DOCK3: variants seen among roughly 807,000 people sequenced by gnomAD.
DOCK3 encodes the protein dedicator of cytokinesis protein 3.
Under a neutral mutation model 265.6 loss-of-function variants are expected in DOCK3, and 60 were observed. The ratio of observed to expected loss-of-function variants is 0.23; its 90% confidence interval spans 0.18 to 0.28. The LOEUF (loss-of-function observed/expected upper bound fraction) is 0.28, where lower values mean the gene tolerates loss of function less well. Ranked by LOEUF, DOCK3 falls within the 10% of genes least tolerant of loss-of-function variation. DOCK3 has a pLI of 1.00. For synonymous variants in DOCK3, 881 were observed against 938.0 expected (o/e 0.94, Z 1.11); for missense variants, 1,981 against 2,594.3 (o/e 0.76, Z 5.14).
chr3:50,876,717 G>A (rs533263098), intron 3 of DOCK3: 1 of 153,110 alleles, frequency 6.5e-6, no homozygotes, highest in South Asian at 1.9e-4. Context: ...TAAAAATTTG[G>A]CTGACAATTT....
chr3:50,860,206 T>A (rs2107494436), intron 3 of DOCK3, among the ~76,000 whole-genome samples: 1 of 152,240 alleles, frequency 6.6e-6, no homozygotes, highest in South Asian at 2.1e-4. Context: ...TCTTTTTGGG[T>A]TGACTGCAGC....
intron 9 of DOCK3, among the ~76,000 whole-genome samples, chr3:51,091,547 G>T (rs2082636115): frequency 6.6e-6 from 1 of 152,034 alleles, no homozygotes; most frequent in Non-Finnish European, 1.5e-5. Context: ...GCTGGGCGTG[G>T]TGGCGGGCTC....
intron 1 of DOCK3, among the ~76,000 whole-genome samples, chr3:50,695,238 C>G (rs556506547): frequency 6.3e-4 from 96 of 152,326 alleles, no homozygotes; most frequent in Non-Finnish European, 7.5e-4. Context: ...GCCTCCAGGG[C>G]TTAATACTTA....
At chr3:51,228,470 A>G (rs1015986050) in intron 17 of DOCK3, among the ~76,000 whole-genome samples, 191 bp from the exon 18 acceptor site, 3 of 152,114 alleles carry the variant, frequency 2.0e-5, no homozygotes, top group African/African-American at 4.8e-5. Context: ...ATGCCCCACC[A>G]TATTCTGTTT....
At chr3:50,905,756 C>T (rs1004870824) in intron 4 of DOCK3, among the ~76,000 whole-genome samples, 3 of 152,148 alleles carry the variant, frequency 2.0e-5, no homozygotes, top group African/African-American at 7.2e-5. Context: ...CCCTTTATTT[C>T]TTTCTCCTGC....
chr3:50,880,482 G>T, intron 3 of DOCK3: 1 of 168,364 alleles, frequency 5.9e-6, no homozygotes, highest in Non-Finnish European at 1.3e-5. Context: ...ACTACCATCA[G>T]AAAACACTGT....
intron 6 of DOCK3, among the ~76,000 whole-genome samples, chr3:51,072,587 T>G (rs1197045292): frequency 6.6e-6 from 1 of 151,990 alleles, no homozygotes; most frequent in Non-Finnish European, 1.5e-5. Context: ...TTTTGTGTTT[T>G]TAGTAGAGAT....
intron 5 of DOCK3, among the ~76,000 whole-genome samples, chr3:51,028,852 A>G (rs2079924252): frequency 6.6e-6 from 1 of 152,066 alleles, no homozygotes; most frequent in Non-Finnish European, 1.5e-5. Flanking sequence ...TTCAACTTCC[A>G]TGAGAATCTC....
At chr3:50,951,708 C>A (rs772639403) in intron 5 of DOCK3, among the ~76,000 whole-genome samples, 2 of 151,846 alleles carry the variant, frequency 1.3e-5, no homozygotes, top group Non-Finnish European at 2.9e-5. Flanking sequence ...TTAATTTTAG[C>A]AATGGTGTTT....
chr3:51,288,545 A>G (rs2081546474), intron 27 of DOCK3, among the ~76,000 whole-genome samples: 1 of 152,146 alleles, frequency 6.6e-6, no homozygotes, highest in African/African-American at 2.4e-5. Flanking sequence ...AACCTCCATG[A>G]TGCTCAATTT....
At chr3:50,891,416 C>T (rs1423890765) in intron 4 of DOCK3, among the ~76,000 whole-genome samples, 4 of 152,006 alleles carry the variant, frequency 2.6e-5, no homozygotes, top group African/African-American at 9.7e-5. Flanking sequence ...TCTCCTTTTA[C>T]AAAACATGTA....
intron 40 of DOCK3, among the ~76,000 whole-genome samples, chr3:51,351,088 AT>A (rs2085943767): frequency 6.6e-6 from 1 of 152,170 alleles, no homozygotes; most frequent in Non-Finnish European, 1.5e-5. Flanking sequence ...TGATTTTCTT[AT>A]TTATTCAGCA....
At chr3:50,972,350 G>A (rs1173101291) in intron 5 of DOCK3, among the ~76,000 whole-genome samples, 2 of 152,232 alleles carry the variant, frequency 1.3e-5, no homozygotes, top group Non-Finnish European at 2.9e-5. Context: ...AATGGTGGGA[G>A]AGAAGTCTCC....
At position 51,126,589 on chromosome 3, in the gene DOCK3, G is replaced by A. The variant is rs2084277292; in HGVS notation, c.747-19960G>A. On this transcript the variant is annotated intron_variant, in intron 9 of 52. Coordinates refer to ENST00000266037, the MANE Select transcript of DOCK3 (RefSeq NM_004947.5). ...GAGACAGCAAAGATGAACTGACTTA[G>A]CATTGTGCTGTCCTGTCATCAGAGC... Among the ~76,000 whole-genome samples, 3 of 152,160 alleles carry A rather than the reference G, an allele frequency of 2.0e-5. No individual in the cohort carries two copies. In the South Asian group the frequency reaches 6.2e-4, roughly 32 times the overall value.
chr3:50,978,353 C>T lies in DOCK3; in HGVS notation c.315+44276C>T, dbSNP rs1426978997. On this transcript the variant is annotated intron_variant, in intron 5 of 52. Coordinates refer to ENST00000266037, the MANE Select transcript of DOCK3 (RefSeq NM_004947.5). ...GATGTCCTTTCTGTTTGTTAGTTTT[C>T]CTTCTAACAGGCAGGACCCTCAGCT... 2.6e-5 allele frequency among the ~76,000 whole-genome samples: 4 copies of T among 152,090 alleles called. No homozygotes were observed. In the East Asian group the frequency reaches 5.8e-4, roughly 22 times the overall value.
intron 18 of DOCK3, 67 bp from the exon 19 acceptor site, chr3:51,229,445 C>T (rs1217322426): frequency 1.2e-5 from 14 of 1,192,146 alleles, no homozygotes; most frequent in South Asian, 3.6e-5. Flanking sequence ...AGTGAGACTC[C>T]GTCTAAAAAA....
Position 50,799,328 on chromosome 3 carries a change from A to C in DOCK3, c.121+20570A>C, listed in dbSNP as rs576299902. 5.3e-5 allele frequency among the ~76,000 whole-genome samples: 8 copies of C among 152,090 alleles called. No homozygotes were observed. The South Asian group carries it at 6.2e-4, about 12-fold the overall frequency. Reference sequence around the variant, plus strand: ...GTAGTATGGCCATTTCAACAATATTAATTTTTCTGATTCATGAACTTGGCC... The same window carrying C: ...GTAGTATGGCCATTTCAACAATATTCATTTTTCTGATTCATGAACTTGGCC... On this transcript the variant is annotated intron_variant, in intron 2 of 52. Transcript: ENST00000266037.
At chr3:50,996,363 G>A (rs1275352984) in intron 5 of DOCK3, among the ~76,000 whole-genome samples, 1 of 151,460 alleles carries the variant, frequency 6.6e-6, no homozygotes, top group Admixed American at 6.6e-5. Context: ...AACTACAGAC[G>A]CCTACCACCA....
At chr3:50,915,054 G>C (rs1251892125) in intron 4 of DOCK3, among the ~76,000 whole-genome samples, 1 of 152,080 alleles carries the variant, frequency 6.6e-6, no homozygotes, top group East Asian at 1.9e-4. Context: ...ACACAGCCAA[G>C]ATTTGTGAAT....
Sources: allele counts gnomAD v4.1 joint callset (sites outside exome capture counted in the v4.1 genomes callset), GRCh38; gene constraint gnomAD v4.1.1; transcripts MANE v1.5; gene names NCBI Gene and HGNC (gene_info 2026-07-23, HGNC 2026-07-21).